Variants in ADCY8 observed in about 807,000 individuals in gnomAD.
ADCY8 encodes the protein adenylate cyclase type 8.
Under a neutral mutation model 119.7 loss-of-function variants are expected in ADCY8, and 51 were observed. The observed-to-expected ratio is 0.43, with a 90% confidence interval of 0.34 to 0.54. ADCY8 has a LOEUF of 0.54. Ranked by LOEUF, ADCY8 falls within the 20% of genes least tolerant of loss-of-function variation. ADCY8 has a pLI of 0.03. For missense variants in ADCY8, 1,383 were observed against 1,598.8 expected, an observed-to-expected ratio of 0.87 and a Z score of 2.30; for synonymous variants, 665 against 651.0, an observed-to-expected ratio of 1.02 and a Z score of -0.33.
intron 5 of ADCY8, among the ~76,000 whole-genome samples, chr8:130,928,533 G>A (rs1820538781): frequency 6.6e-6 from 1 of 152,152 alleles, no homozygotes; most frequent in African/African-American, 2.4e-5. Flanking sequence ...AAATGATCAT[G>A]TGGTTTTGTC....
chr8:130,816,010 A>C (rs1371106146), intron 13 of ADCY8, among the ~76,000 whole-genome samples: 1 of 152,186 alleles, frequency 6.6e-6, no homozygotes, highest in Non-Finnish European at 1.5e-5. Flanking sequence ...TTCAGTCTTT[A>C]ACTGTTGACA....
intron 1 of ADCY8, among the ~76,000 whole-genome samples, chr8:130,991,787 G>A (rs1238091049): frequency 4.6e-5 from 7 of 152,162 alleles, no homozygotes; most frequent in East Asian, 3.8e-4. Context: ...TCAGCAGGTC[G>A]AGATTATAAT....
intron 14 of ADCY8, among the ~76,000 whole-genome samples, chr8:130,804,783 A>C (rs893042216): frequency 6.6e-6 from 1 of 152,002 alleles, no homozygotes; most frequent in Non-Finnish European, 1.5e-5. Context: ...GTCTCACTCT[A>C]TTGCCCAGGC....
At chr8:130,877,220 C>A (rs952979473) in intron 8 of ADCY8, among the ~76,000 whole-genome samples, 2 of 152,212 alleles carry the variant, frequency 1.3e-5, no homozygotes, top group Non-Finnish European at 2.9e-5. Flanking sequence ...ATCTGCATTT[C>A]ATCTGCACCA....
At chr8:130,834,311 T>A (rs1334378028) in intron 12 of ADCY8, among the ~76,000 whole-genome samples, 2 of 152,080 alleles carry the variant, frequency 1.3e-5, no homozygotes, top group Non-Finnish European at 2.9e-5. Flanking sequence ...AACAAAAAGA[T>A]GAGCAAGCTT....
chr8:130,908,982 G>A (rs1819880645), intron 6 of ADCY8, among the ~76,000 whole-genome samples: 2 of 120,418 alleles, frequency 1.7e-5, no homozygotes, highest in Admixed American at 1.6e-4. Context: ...ATATGTGGAA[G>A]TGCTCTCTCT....
intron 6 of ADCY8, among the ~76,000 whole-genome samples, chr8:130,906,569 G>T (rs1819793718): frequency 6.6e-6 from 1 of 152,096 alleles, no homozygotes; most frequent in Non-Finnish European, 1.5e-5. Flanking sequence ...CTGGGTTTTA[G>T]ATGTTTCTTT....
At chr8:130,933,533 T>G (rs1820696881) in intron 5 of ADCY8, among the ~76,000 whole-genome samples, 1 of 152,208 alleles carries the variant, frequency 6.6e-6, no homozygotes, top group Non-Finnish European at 1.5e-5. Context: ...TTAATTCCTT[T>G]TTAGCATGCT....
At chr8:131,010,720 C>T (rs1266453644) in intron 1 of ADCY8, among the ~76,000 whole-genome samples, 12 of 152,294 alleles carry the variant, frequency 7.9e-5, no homozygotes, top group Admixed American at 2.0e-4. Flanking sequence ...CCGCCAATAG[C>T]GTGCTCACTC....
intron 12 of ADCY8, among the ~76,000 whole-genome samples, chr8:130,827,583 A>C (rs960195352): frequency 6.6e-6 from 1 of 152,176 alleles, no homozygotes; most frequent in Non-Finnish European, 1.5e-5. Context: ...TTCACTAAAG[A>C]GAGAGCTAGT....
At chr8:130,877,110 A>G (rs1266754380) in intron 8 of ADCY8, among the ~76,000 whole-genome samples, 2 of 152,222 alleles carry the variant, frequency 1.3e-5, no homozygotes, top group Admixed American at 6.5e-5. Flanking sequence ...TAGTCATGAT[A>G]GGGCCTGATA....
intron 5 of ADCY8, among the ~76,000 whole-genome samples, chr8:130,922,625 G>A (rs1820347452): frequency 1.3e-5 from 2 of 151,880 alleles, no homozygotes; most frequent in African/African-American, 4.8e-5. Context: ...ACACAGACAC[G>A]GCAACCATCC....
intron 5 of ADCY8, among the ~76,000 whole-genome samples, chr8:130,925,690 A>C (rs1195289282): frequency 6.6e-6 from 1 of 152,336 alleles, no homozygotes; most frequent in African/African-American, 2.4e-5. Flanking sequence ...TGGAATCCTG[A>C]CTGGAATTCT....
At chr8:131,028,310 G>A (rs569957019) in intron 1 of ADCY8, among the ~76,000 whole-genome samples, 2 of 152,310 alleles carry the variant, frequency 1.3e-5, no homozygotes, top group Non-Finnish European at 2.9e-5. Flanking sequence ...AAAGAGCTGC[G>A]TATCATGTCA....
chr8:130,930,044 G>A (rs534786146), intron 5 of ADCY8, among the ~76,000 whole-genome samples: 208 of 152,206 alleles, frequency 1.4e-3, no homozygotes, highest in African/African-American at 5.0e-3. Flanking sequence ...GTGAGCCTTT[G>A]TAAGCAGCAT....
Position 130,884,564 on chromosome 8 carries a change from C to A in ADCY8, c.2109G>T (p.Lys703Asn). 6.2e-7 allele frequency: 1 copy of A among 1,613,736 alleles called. No individual in the cohort carries two copies. Among genetic ancestry groups the A allele is most frequent in the Non-Finnish European group, 8.5e-7 (1 of 1,179,788 alleles). The change falls in exon 8 of 18, where the codon AAG becomes AAT. Residue 703 changes from lysine (K) to asparagine (N), a missense_variant and splice_region_variant. Transcript: ENST00000286355. Reference sequence around the variant, plus strand: ...AGCCGCTGTGGAGACCCAGCTCTACCTTGTGCTCCAGGCTGGAGTCTTTAA... The same window carrying A: ...AGCCGCTGTGGAGACCCAGCTCTACATTGTGCTCCAGGCTGGAGTCTTTAA... ...LMFKDSSLEH[K>N]YSQMRDEVFK... is the part of the protein sequence containing the mutation.
At chr8:130,915,238 A>G (rs1820091537) in intron 5 of ADCY8, among the ~76,000 whole-genome samples, 1 of 152,224 alleles carries the variant, frequency 6.6e-6, no homozygotes, top group South Asian at 2.1e-4. Context: ...CTGAACTATT[A>G]AGGAAGCATG....
chr8:130,881,086 T>C (rs1818753440), intron 8 of ADCY8, among the ~76,000 whole-genome samples: 1 of 152,156 alleles, frequency 6.6e-6, no homozygotes, highest in African/African-American at 2.4e-5. Context: ...CACAGAACTT[T>C]TGTTCTCTGC....
rs1190151594 is a variant in ADCY8 at position 130,800,457 on chromosome 8, A to G, written c.3029T>C (p.Leu1010Ser). Residue 1010 changes from leucine to serine, a missense_variant, in exon 15 of 18, where the codon TTG (leucine) becomes TCG (serine). Leu to Ser is a moderately radical substitution (Grantham distance 145, BLOSUM62 -2). This residue lies in a region of ADCY8 where 928 missense variants were observed against 1,163.5 expected (regional missense o/e 0.80). Transcript: ENST00000286355. Reference protein sequence around the residue: ...MNNQGVECLRLLNEIIADFDE... With the variant: ...MNNQGVECLRSLNEIIADFDE... ...GAAGTCAGCAATGATCTCATTGAGCAAGCGCAGGCATTCCACTCCCTGGTT... is the reference window on the plus strand; with the variant it reads ...GAAGTCAGCAATGATCTCATTGAGCGAGCGCAGGCATTCCACTCCCTGGTT... The G allele has an allele frequency of 1.2e-6, 2 of 1,614,226 alleles. No individual in the cohort carries two copies. Among genetic ancestry groups the G allele is most frequent in the Non-Finnish European group, 1.7e-6 (2 of 1,180,038 alleles).
Sources: allele counts gnomAD v4.1 joint callset (sites outside exome capture counted in the v4.1 genomes callset), GRCh38; gene constraint gnomAD v4.1.1; regional missense constraint gnomAD v4.1.1; transcripts MANE v1.5; gene names NCBI Gene and HGNC (gene_info 2026-07-23, HGNC 2026-07-21).